The following ARL8B variants were observed in gnomAD, a reference collection of about 807,000 sequenced individuals.
ARL8B encodes the protein ADP-ribosylation factor-like protein 8B.
Under a neutral mutation model 30.6 loss-of-function variants are expected in ARL8B, and 9 were observed. The observed-to-expected ratio is 0.29, with a 90% CI of 0.18 to 0.51. The LOEUF (loss-of-function observed/expected upper bound fraction) is 0.51, where lower values mean the gene tolerates loss of function less well. ARL8B is among the 20% of genes least tolerant of loss of function. The pLI is 0.97. For missense variants in ARL8B, 130 were observed against 227.2 expected, an observed-to-expected ratio of 0.57 and a Z score of 2.75; for synonymous variants, 74 against 76.0, an observed-to-expected ratio of 0.97 and a Z score of 0.14.
chr3:5,170,205 C>T (rs1359138341), intron 1 of ARL8B, among the ~76,000 whole-genome samples: 2 of 152,114 alleles, frequency 1.3e-5, no homozygotes, highest in South Asian at 2.1e-4. Context: ...TAGGTGAACA[C>T]ATTTAAAAAT....
intron 1 of ARL8B, among the ~76,000 whole-genome samples, chr3:5,154,370 G>T (rs2054514335): frequency 1.7e-5 from 2 of 118,626 alleles, no homozygotes; most frequent in South Asian, 4.9e-4. Context: ...GTCTCGCTGT[G>T]TTGCCCGAGG....
intron 1 of ARL8B, among the ~76,000 whole-genome samples, chr3:5,143,387 T>C (rs2054391842): frequency 6.6e-6 from 1 of 152,174 alleles, no homozygotes; most frequent in Non-Finnish European, 1.5e-5. Flanking sequence ...GACAGACTCT[T>C]ATAAGTCTTG....
intron 1 of ARL8B, among the ~76,000 whole-genome samples, chr3:5,164,065 C>T (rs764601869): frequency 3.3e-5 from 5 of 152,180 alleles, no homozygotes; most frequent in African/African-American, 7.2e-5. Context: ...GTCCCGCAGT[C>T]GGCCCTGCAC....
At position 5,122,541 on chromosome 3, in the gene ARL8B, G is replaced by C; in HGVS notation, c.76G>C (p.Val26Leu). Residue 26 changes from valine to leucine, a missense_variant, in exon 1 of 7, where the codon GTG becomes CTG. Physicochemically the swap from Val to Leu is conservative, Grantham distance 32. Transcript: ENST00000256496. ...FWKEEMELTL[V>L]GLQYSGKTTF... ...GAAGGAAGAGATGGAGCTGACGCTC[G>C]TGGGGCTGCAGTACTCGGGCAAGAC... 1.2e-6 allele frequency: 2 copies of C among 1,612,878 alleles called. No homozygotes were observed. The highest frequency in any genetic ancestry group is 1.7e-6 in the Non-Finnish European group (2 of 1,179,492).
chr3:5,173,524 C>A (rs2054697033), intron 4 of ARL8B, among the ~76,000 whole-genome samples: 1 of 152,132 alleles, frequency 6.6e-6, no homozygotes. Context: ...ATCACCAGGT[C>A]AGGAGATCGA....
At position 5,159,297 on chromosome 3, in the gene ARL8B, CAAAAAAAA is replaced by C. The variant is rs56033027; in HGVS notation, c.124-11190_124-11183del. 7.0e-3 allele frequency among the ~76,000 whole-genome samples: 373 copies of C among 53,012 alleles called. 1 individual carries two copies. Among genetic ancestry groups the C allele is most frequent in the African/African-American group, 0.028 (355 of 12,808 alleles). 34.8% of individuals were successfully genotyped at this position (53,012 alleles called of 152,430 possible). On this transcript the variant is annotated intron_variant, in intron 1 of 6. Coordinates refer to ENST00000256496, the MANE Select transcript of ARL8B (RefSeq NM_018184.3). ...CTTGGGTGACAGAGTGACTCTGTCT[CAAAAAAAA>C]AAAAAAAAAAAAAAATGCCAGGTGC...
intron 1 of ARL8B, among the ~76,000 whole-genome samples, chr3:5,161,828 CCTT>C (rs1397549636): frequency 6.6e-6 from 1 of 152,108 alleles, no homozygotes; most frequent in East Asian, 1.9e-4. Flanking sequence ...TCAAGAAAGG[CCTT>C]CTTGGATACT....
At chr3:5,177,317 C>T (rs1340366033) in intron 6 of ARL8B, among the ~76,000 whole-genome samples, 6 of 152,256 alleles carry the variant, frequency 3.9e-5, no homozygotes, top group South Asian at 2.1e-4. Context: ...TAATAAAATT[C>T]GAAATAAGTA....
chr3:5,134,416 G>C (rs2054308250), intron 1 of ARL8B, among the ~76,000 whole-genome samples: 1 of 152,204 alleles, frequency 6.6e-6, no homozygotes, highest in Non-Finnish European at 1.5e-5. Flanking sequence ...TTTGCAGGCT[G>C]GGAAGCCTTT....
At chr3:5,174,948 G>T (rs2054715731) in intron 6 of ARL8B, among the ~76,000 whole-genome samples, 1 of 151,500 alleles carries the variant, frequency 6.6e-6, no homozygotes, top group Admixed American at 6.6e-5. Context: ...GACTACAGAC[G>T]TGCACCACCA....
At chr3:5,125,037 A>T (rs2054218296) in intron 1 of ARL8B, among the ~76,000 whole-genome samples, 1 of 152,216 alleles carries the variant, frequency 6.6e-6, no homozygotes, top group Non-Finnish European at 1.5e-5. Context: ...TGTTTTCAGT[A>T]GACAGTGTAG....
In ARL8B at chr3:5,122,353, C is replaced by T; in HGVS notation, c.-113C>T. Reference sequence around the variant, plus strand: ...CGCCCGCCGGTGTCCGCCCGTGTCGCGCCGGGGCACCAAGGAGCCGTTGGA... The same window carrying T: ...CGCCCGCCGGTGTCCGCCCGTGTCGTGCCGGGGCACCAAGGAGCCGTTGGA... On this transcript the variant is annotated 5_prime_UTR_variant, in exon 1 of 7. Transcript: ENST00000256496. 2 of 1,554,746 alleles carry T rather than the reference C, an allele frequency of 1.3e-6. No homozygotes were observed. The highest frequency in any genetic ancestry group is 2.3e-5 in the South Asian group (2 of 85,470).
Position 5,180,087 on chromosome 3 carries a change from G to A in ARL8B, c.*1374G>A, listed in dbSNP as rs2054765649. 6.6e-6 allele frequency: 1 copy of A among 152,606 alleles called. No homozygotes were observed. The highest frequency in any genetic ancestry group is 2.1e-4 in the South Asian group (1 of 4,834). The allele number at this position is 152,606 out of a possible 1,614,324, so 9.5% of individuals were successfully genotyped here. A position where few individuals can be genotyped will look rare whatever the true frequency, so the allele number is the denominator to read the frequency against. On this transcript the variant is annotated 3_prime_UTR_variant, in exon 7 of 7. Transcript: ENST00000256496. ...GTTGCCTCACACTGTGTGTGATTTT[G>A]TTTCTTTTGTTAAGCAGCACTTATG...
At chr3:5,140,960 A>C (rs1465627494) in intron 1 of ARL8B, among the ~76,000 whole-genome samples, 1 of 152,314 alleles carries the variant, frequency 6.6e-6, no homozygotes, top group East Asian at 1.9e-4. Context: ...CAGTTACAAC[A>C]GGTAATTTAT....
chr3:5,172,069 C>T (rs1456632128), intron 2 of ARL8B, 81 bp from the exon 3 acceptor site: 5 of 1,328,900 alleles, frequency 3.8e-6, no homozygotes, highest in Non-Finnish European at 4.3e-6. Context: ...TCTTCCCGAT[C>T]TTTCTTTTTT....
chr3:5,148,970 T>G (rs1056135768), intron 1 of ARL8B, among the ~76,000 whole-genome samples: 2 of 152,228 alleles, frequency 1.3e-5, no homozygotes, highest in Non-Finnish European at 2.9e-5. Flanking sequence ...TGTCTGAGCT[T>G]TCTTCCCTGT....
intron 1 of ARL8B, among the ~76,000 whole-genome samples, chr3:5,132,809 C>T (rs2054294357): frequency 6.6e-6 from 1 of 152,072 alleles, no homozygotes; most frequent in African/African-American, 2.4e-5. Flanking sequence ...CATTTATGGT[C>T]GGGTATGTGC....
chr3:5,132,159 G>C (rs2054288588), intron 1 of ARL8B, among the ~76,000 whole-genome samples: 1 of 152,200 alleles, frequency 6.6e-6, no homozygotes, highest in South Asian at 2.1e-4. Flanking sequence ...AGTGTTGGGA[G>C]TACAGGCATG....
intron 4 of ARL8B, among the ~76,000 whole-genome samples, chr3:5,173,616 G>C (rs2054698222): frequency 6.6e-6 from 1 of 152,082 alleles, no homozygotes; most frequent in African/African-American, 2.4e-5. Flanking sequence ...TGTAGTCCCA[G>C]CTACGGCAGG....
Sources: gnomAD v4.1 joint callset for allele counts (sites outside exome capture counted in the v4.1 genomes callset) on GRCh38, gnomAD v4.1.1 for gene constraint, MANE v1.5 for transcripts, NCBI Gene and HGNC (gene_info 2026-07-23, HGNC 2026-07-21) for gene names.